The following WWOX variants were observed in gnomAD, a reference collection of about 807,000 sequenced individuals.
WWOX encodes WW domain containing oxidoreductase.
In WWOX, 69 loss-of-function variants were observed where a neutral mutation model predicts 46.2. That is an observed-to-expected ratio of 1.49 (90% CI 1.23 to 1.82). The LOEUF (loss-of-function observed/expected upper bound fraction) is 1.82. WWOX is among the 40% of genes most tolerant of loss of function. The pLI, the probability that WWOX is intolerant of heterozygous loss-of-function variation, is 0.00. For synonymous variants in WWOX, 359 were observed against 202.6 expected, an observed-to-expected ratio of 1.77 and a Z score of -6.56; for missense variants, 919 against 542.6, an observed-to-expected ratio of 1.69 and a Z score of -6.89.
intron 8 of WWOX, among the ~76,000 whole-genome samples, chr16:78,645,069 C>T (rs553090393): frequency 1.6e-4 from 24 of 152,210 alleles, no homozygotes; most frequent in African/African-American, 3.1e-4. Context: ...AGTTAAAGTT[C>T]TTTAAATTCT....
At chr16:78,623,992 G>C (rs1411030048) in intron 8 of WWOX, among the ~76,000 whole-genome samples, 1 of 152,100 alleles carries the variant, frequency 6.6e-6, no homozygotes, top group African/African-American at 2.4e-5. Flanking sequence ...GGACTTCAAA[G>C]TCCAGGTTGC....
At chr16:78,747,754 A>G (rs561209195) in intron 8 of WWOX, among the ~76,000 whole-genome samples, 1 of 152,286 alleles carries the variant, frequency 6.6e-6, no homozygotes, top group African/African-American at 2.4e-5. Context: ...TATCCAGCCT[A>G]CAGAGGAGAT....
In WWOX at chr16:79,045,438, G is replaced by C. The variant is rs1005715816; in HGVS notation, c.1057-166170G>C. Among the ~76,000 whole-genome samples, 9 of 152,274 alleles carry C rather than the reference G, an allele frequency of 5.9e-5. No homozygotes were observed. In the South Asian group the frequency reaches 1.9e-3, roughly 32 times the overall value. On this transcript the variant is annotated intron_variant, in intron 8 of 8. Coordinates refer to ENST00000566780, the MANE Select transcript of WWOX (RefSeq NM_016373.4). ...ACATCATGATCTGCGTGGGTGAGAG[G>C]ATACTCTCAGGAAATGGGCAAAGTT...
chr16:79,090,716 C>A (rs771985926), intron 8 of WWOX, among the ~76,000 whole-genome samples: 1 of 152,124 alleles, frequency 6.6e-6, no homozygotes, highest in Non-Finnish European at 1.5e-5. Context: ...GGCACATGCT[C>A]GGCGGGGCCC....
At chr16:78,994,974 T>C (rs1389011546) in intron 8 of WWOX, among the ~76,000 whole-genome samples, 8 of 143,962 alleles carry the variant, frequency 5.6e-5, no homozygotes, top group South Asian at 2.2e-4. Flanking sequence ...TTCTTCTTTT[T>C]TTTTTTTTTT....
At chr16:79,134,416 G>A (rs1193290740) in intron 8 of WWOX, among the ~76,000 whole-genome samples, 1 of 152,120 alleles carries the variant, frequency 6.6e-6, no homozygotes, top group Non-Finnish European at 1.5e-5. Flanking sequence ...AAAGAGGCAG[G>A]GGCTGGAGGG....
chr16:78,983,067 T>C (rs1455439557), intron 8 of WWOX, among the ~76,000 whole-genome samples: 3 of 152,226 alleles, frequency 2.0e-5, no homozygotes, highest in Non-Finnish European at 4.4e-5. Flanking sequence ...AGTCTGAGTT[T>C]CTTGTGGAAG....
chr16:78,790,457 C>T (rs888723042), intron 8 of WWOX, among the ~76,000 whole-genome samples: 1 of 152,126 alleles, frequency 6.6e-6, no homozygotes, highest in Non-Finnish European at 1.5e-5. Context: ...TTTTAGTCTA[C>T]ACACAGTGAA....
intron 5 of WWOX, among the ~76,000 whole-genome samples, chr16:78,187,851 C>G (rs1423753876): frequency 6.6e-6 from 1 of 152,148 alleles, no homozygotes; most frequent in Non-Finnish European, 1.5e-5. Context: ...ACTTTCTCAC[C>G]CAATTTTAAA....
intron 8 of WWOX, among the ~76,000 whole-genome samples, chr16:78,845,233 G>C (rs906698154): frequency 1.4e-5 from 2 of 146,638 alleles, no homozygotes; most frequent in African/African-American, 5.1e-5. Flanking sequence ...CTGCCTATTA[G>C]TCTGCTATTG....
chr16:78,163,168 A>G (rs1010807552), intron 4 of WWOX, among the ~76,000 whole-genome samples: 2 of 152,190 alleles, frequency 1.3e-5, no homozygotes, highest in Non-Finnish European at 2.9e-5. Context: ...CTGAGAGTTT[A>G]TATGAGTATT....
intron 8 of WWOX, among the ~76,000 whole-genome samples, chr16:79,135,811 G>A (rs1454726814): frequency 2.9e-4 from 44 of 152,082 alleles, no homozygotes; most frequent in Admixed American, 2.9e-3. Flanking sequence ...GTAATTGTGA[G>A]TGATGTTGGG....
In WWOX at chr16:78,664,244, G is replaced by T. The variant is rs145530951; in HGVS notation, c.1056+231492G>T. Among the ~76,000 whole-genome samples, 1,175 of 152,282 alleles carry T rather than the reference G, an allele frequency of 7.7e-3. 7 individuals are homozygous for T. The highest frequency in any genetic ancestry group is 0.037 in the Middle Eastern group (11 of 294). On this transcript the variant is annotated intron_variant, in intron 8 of 8. Coordinates refer to ENST00000566780, the MANE Select transcript of WWOX (RefSeq NM_016373.4). ...TGAGCATATTCAAATGTAATTGTCA[G>T]TTTTCGTGTCTCCCTCCCACTGGAC...
intron 8 of WWOX, among the ~76,000 whole-genome samples, chr16:78,455,812 C>T (rs2083804543): frequency 6.7e-6 from 1 of 149,814 alleles, no homozygotes; most frequent in Admixed American, 6.7e-5. Flanking sequence ...AAAAAGGCCA[C>T]CAAGGACCTC....
chr16:78,730,809 T>G (rs753676507), intron 8 of WWOX, among the ~76,000 whole-genome samples: 1 of 152,022 alleles, frequency 6.6e-6, no homozygotes, highest in Non-Finnish European at 1.5e-5. Context: ...TTTTCTCTTG[T>G]GGCTTATCAC....
Position 79,211,764 on chromosome 16 carries a change from A to G in WWOX, c.1213A>G (p.Ile405Val). ...RTLWALSERL[I>V]QERLGSQSG ...CCTGTGGGCGCTCAGCGAGAGGCTGATCCAAGAACGGCTTGGCAGCCAGTC... is the reference window on the plus strand; with the variant it reads ...CCTGTGGGCGCTCAGCGAGAGGCTGGTCCAAGAACGGCTTGGCAGCCAGTC... Residue 405 changes from isoleucine (I) to valine (V), a missense_variant, in exon 9 of 9, where the codon ATC (isoleucine) becomes GTC (valine). Physicochemically the swap from Ile to Val is conservative, Grantham distance 29. Transcript: ENST00000566780. 6.2e-7 allele frequency: 1 copy of G among 1,614,152 alleles called. No homozygotes were observed.
rs562351638 is a variant in WWOX, at chr16:78,232,411, GT to G, written c.516+68123del. 3.9e-3 allele frequency among the ~76,000 whole-genome samples: 591 copies of G among 152,238 alleles called. 1 individual carries two copies. Among genetic ancestry groups the G allele is most frequent in the Middle Eastern group, 6.8e-3 (2 of 294 alleles). ...TCCTTTCTTGCTTGCAACTTGTCAG[GT>G]CGTTCCCTCCCCAGTAGTTGTGAAC... On this transcript the variant is annotated intron_variant, in intron 5 of 8. Coordinates refer to ENST00000566780, the MANE Select transcript of WWOX (RefSeq NM_016373.4).
At chr16:78,182,008 C>T (rs917958806) in intron 5 of WWOX, among the ~76,000 whole-genome samples, 3 of 152,274 alleles carry the variant, frequency 2.0e-5, no homozygotes, top group Non-Finnish European at 4.4e-5. Flanking sequence ...CAAAAACTTG[C>T]TAACGTCATC....
At chr16:78,805,807 G>A (rs1210354677) in intron 8 of WWOX, among the ~76,000 whole-genome samples, 1 of 152,036 alleles carries the variant, frequency 6.6e-6, no homozygotes, top group African/African-American at 2.4e-5. Context: ...TCTGTTTTCA[G>A]TTCCTCTCCA....
Sources: gnomAD v4.1 joint callset for allele counts (sites outside exome capture counted in the v4.1 genomes callset) on GRCh38, gnomAD v4.1.1 for gene constraint, MANE v1.5 for transcripts, NCBI Gene and HGNC (gene_info 2026-07-23, HGNC 2026-07-21) for gene names.